LRRIQ3: variants seen among roughly 807,000 people sequenced by gnomAD.
LRRIQ3 encodes the protein leucine rich repeats and IQ motif containing 3, also known as leucine-rich repeat and IQ domain-containing protein 3.
In LRRIQ3, 75 loss-of-function variants were observed where a neutral mutation model predicts 59.3. That is an observed-to-expected ratio of 1.26 (90% CI 1.05 to 1.53). The LOEUF is 1.53. Ranked by LOEUF, LRRIQ3 falls within the 40% of genes most tolerant of loss-of-function variation. The probability of loss-of-function intolerance (pLI) is 0.00; values close to 1 mark genes in which losing one functional copy is unlikely to be tolerated. For missense variants in LRRIQ3, 831 were observed against 710.0 expected (o/e 1.17, Z -1.94); for synonymous variants, 250 against 231.3 (o/e 1.08, Z -0.73).
intron 4 of LRRIQ3, among the ~76,000 whole-genome samples, chr1:74,126,700 C>T (rs1004888952): frequency 5.3e-5 from 8 of 151,846 alleles, no homozygotes; most frequent in East Asian, 1.9e-4. Flanking sequence ...ATTCCATTGT[C>T]ATCAGAGGAG....
intron 4 of LRRIQ3, among the ~76,000 whole-genome samples, chr1:74,114,532 C>T (rs1231143119): frequency 4.6e-5 from 7 of 151,834 alleles, no homozygotes; most frequent in South Asian, 2.1e-4. Flanking sequence ...GTCAGGAGAT[C>T]GAGAGCATCC....
intron 6 of LRRIQ3, among the ~76,000 whole-genome samples, chr1:74,049,624 G>A (rs1185794298): frequency 1.3e-5 from 2 of 152,158 alleles, no homozygotes; most frequent in Non-Finnish European, 2.9e-5. Flanking sequence ...GCTGACATGG[G>A]AAAAACTGCA....
At chr1:74,168,640 C>T (rs1187400087) in intron 3 of LRRIQ3, among the ~76,000 whole-genome samples, 1 of 151,840 alleles carries the variant, frequency 6.6e-6, no homozygotes, top group Non-Finnish European at 1.5e-5. Flanking sequence ...TTTTTGTTTT[C>T]TGTTAGATTC....
intron 4 of LRRIQ3, among the ~76,000 whole-genome samples, chr1:74,137,568 T>C (rs1003114540): frequency 1.3e-5 from 2 of 151,970 alleles, no homozygotes; most frequent in African/African-American, 4.8e-5. Context: ...GGAAATACCA[T>C]TTGACCCAGC....
At chr1:74,124,812 T>A (rs1206895565) in intron 4 of LRRIQ3, among the ~76,000 whole-genome samples, 1 of 152,010 alleles carries the variant, frequency 6.6e-6, no homozygotes, top group Non-Finnish European at 1.5e-5. Flanking sequence ...TGTTTTGTTC[T>A]TCTTGGTCAA....
At chr1:74,146,738 T>C (rs1400863866) in intron 4 of LRRIQ3, among the ~76,000 whole-genome samples, 1 of 152,230 alleles carries the variant, frequency 6.6e-6, no homozygotes, top group Admixed American at 6.5e-5. Flanking sequence ...TTTGGGATTG[T>C]TTATAGGATC....
At chr1:74,175,552 G>C (rs1187897614) in intron 3 of LRRIQ3, among the ~76,000 whole-genome samples, 1 of 152,092 alleles carries the variant, frequency 6.6e-6, no homozygotes, top group African/African-American at 2.4e-5. Context: ...CTTGGGGAAA[G>C]GGTGACACAA....
rs563623235 is a variant in LRRIQ3, at chr1:74,179,970, T to C, written c.573+2568A>G. 2.0e-4 allele frequency: 30 copies of C among 152,050 alleles called. No individual in the cohort carries two copies. In the East Asian group the frequency reaches 3.5e-3, roughly 18 times the overall value. 9.4% of individuals were successfully genotyped at this position (152,050 alleles called of 1,614,324 possible). Reference sequence around the variant, plus strand: ...TAAATATGGTAAATTATATATTTGGTAAGTTAAAGTGAGGCAAGTACCACT... The same window carrying C: ...TAAATATGGTAAATTATATATTTGGCAAGTTAAAGTGAGGCAAGTACCACT... On this transcript the variant is annotated intron_variant, in intron 3 of 7. Transcript: ENST00000354431.
intron 5 of LRRIQ3, among the ~76,000 whole-genome samples, chr1:74,076,123 C>T (rs1209147980): frequency 6.6e-6 from 1 of 151,990 alleles, no homozygotes; most frequent in Non-Finnish European, 1.5e-5. Flanking sequence ...AACCAATAGT[C>T]CATCAGAGAA....
In LRRIQ3 at chr1:74,157,035, AC is replaced by A. The variant is rs1448387181; in HGVS notation, c.574-1170del. Among the ~76,000 whole-genome samples the A allele has an allele frequency of 6.6e-5, 10 of 152,124 alleles. No individual in the cohort carries two copies. The East Asian group carries it at 1.9e-3, about 29-fold the overall frequency. On this transcript the variant is annotated intron_variant, in intron 3 of 7. Coordinates refer to ENST00000354431, the MANE Select transcript of LRRIQ3 (RefSeq NM_001105659.2). Reference sequence around the variant, plus strand: ...CAGGAAACAAAAAAAAAATCACAACACCTTGCAGATTAGTGCCGCTTCCGAT... The same window carrying A: ...CAGGAAACAAAAAAAAAATCACAACACTTGCAGATTAGTGCCGCTTCCGAT...
intron 4 of LRRIQ3, among the ~76,000 whole-genome samples, chr1:74,154,077 T>C (rs1385071210): frequency 6.6e-6 from 1 of 151,440 alleles, no homozygotes; most frequent in Non-Finnish European, 1.5e-5. Flanking sequence ...CCGTCTCTAC[T>C]AAAAATATAA....
chr1:74,079,655 C>A (rs963531957), intron 5 of LRRIQ3, among the ~76,000 whole-genome samples: 1 of 151,574 alleles, frequency 6.6e-6, no homozygotes, highest in Non-Finnish European at 1.5e-5. Context: ...TTCTTTTTTA[C>A]TCAATGCTGA....
Position 74,182,529 on chromosome 1 carries a change from G to A in LRRIQ3, c.573+9C>T. 5 of 1,498,590 alleles carry A rather than the reference G, an allele frequency of 3.3e-6. No individual in the cohort carries two copies. Among genetic ancestry groups the A allele is most frequent in the South Asian group, 2.9e-5 (2 of 69,316 alleles). The allele number at this position is 1,498,590 out of a possible 1,614,324, so 92.8% of individuals were successfully genotyped here. A position where few individuals can be genotyped will look rare whatever the true frequency, so the allele number is the denominator to read the frequency against. The stretch of plus-strand genomic sequence containing the variant: ...TTAATTAAAATGAAACCCTAAAGAA[G>A]CCAATTACCTTTCTCAAAGCTGGGC... On this transcript the variant is annotated intron_variant, in intron 3 of 7. Coordinates refer to ENST00000354431, the MANE Select transcript of LRRIQ3 (RefSeq NM_001105659.2).
intron 4 of LRRIQ3, 173 bp downstream of exon 4, chr1:74,155,560 A>G (rs1648267791): frequency 2.4e-6 from 1 of 419,014 alleles, no homozygotes; most frequent in Middle Eastern, 6.9e-4. Context: ...ATTATGTTAA[A>G]TATTATATTA....
intron 5 of LRRIQ3, among the ~76,000 whole-genome samples, chr1:74,096,012 C>A (rs1024546316): frequency 1.3e-5 from 2 of 151,774 alleles, no homozygotes; most frequent in African/African-American, 4.8e-5. Flanking sequence ...TTAAAGTATG[C>A]ATTAATTTAT....
intron 3 of LRRIQ3, among the ~76,000 whole-genome samples, chr1:74,161,947 T>A (rs1035154216): frequency 6.6e-6 from 1 of 151,764 alleles, no homozygotes; most frequent in Non-Finnish European, 1.5e-5. Flanking sequence ...ATAATAATAA[T>A]GCATTCCCTC....
chr1:74,036,619 A>T (rs1324655794), intron 7 of LRRIQ3, among the ~76,000 whole-genome samples: 1 of 152,130 alleles, frequency 6.6e-6, no homozygotes, highest in East Asian at 1.9e-4. Flanking sequence ...TGTTTGTGTT[A>T]TTGCTGGTAT....
At chr1:74,121,736 C>A (rs1166083147) in intron 4 of LRRIQ3, among the ~76,000 whole-genome samples, 1 of 105,900 alleles carries the variant, frequency 9.4e-6, no homozygotes, top group Non-Finnish European at 1.8e-5. Context: ...CTCCCCCCTC[C>A]CCCCACCCCA....
intron 5 of LRRIQ3, among the ~76,000 whole-genome samples, chr1:74,105,830 G>C (rs1646604873): frequency 1.3e-5 from 2 of 151,876 alleles, no homozygotes; most frequent in Admixed American, 1.3e-4. Context: ...CAAAGCAAAA[G>C]TAAATAAAAA....
Sources: allele counts gnomAD v4.1 joint callset (sites outside exome capture counted in the v4.1 genomes callset), GRCh38; gene constraint gnomAD v4.1.1; transcripts MANE v1.5; gene names NCBI Gene and HGNC (gene_info 2026-07-23, HGNC 2026-07-21).